SNRPN: variants seen among roughly 807,000 people sequenced by gnomAD.
SNRPN encodes small nuclear ribonucleoprotein-associated protein N.
A neutral mutation model predicts 25.2 loss-of-function variants in SNRPN; 7 were observed. The observed-to-expected ratio is 0.28, with a 90% CI of 0.16 to 0.52. The LOEUF (loss-of-function observed/expected upper bound fraction) is 0.52, where lower values mean the gene tolerates loss of function less well. SNRPN is among the 20% of genes least tolerant of loss of function. SNRPN has a pLI of 0.96. For synonymous variants in SNRPN, 124 were observed against 110.6 expected (o/e 1.12, Z -0.76); for missense variants, 196 against 322.5 (o/e 0.61, Z 3.00).
intron 3 of SNRPN, among the ~76,000 whole-genome samples, chr15:24,928,403 A>T (rs556892121): frequency 6.6e-6 from 1 of 152,108 alleles, no homozygotes. Context: ...CCATAAAAAA[A>T]GAATGAGATC....
intron 2 of SNRPN, among the ~76,000 whole-genome samples, chr15:24,832,282 AC>A: frequency 6.8e-6 from 1 of 147,858 alleles, no homozygotes; most frequent in East Asian, 2.1e-4. Context: ...ACAAGATATA[AC>A]GGGGACTTGT....
At chr15:24,898,724 T>C (rs2151268465) in intron 2 of SNRPN, among the ~76,000 whole-genome samples, 1 of 152,256 alleles carries the variant, frequency 6.6e-6, no homozygotes, top group South Asian at 2.1e-4. Context: ...CTTTAATGTA[T>C]GAGTCAAAAT....
chr15:24,846,095 A>AG (rs2052170959), intron 2 of SNRPN, among the ~76,000 whole-genome samples: 1 of 152,042 alleles, frequency 6.6e-6, no homozygotes. Context: ...AAAAAAAAAA[A>AG]AAATTGATCC....
intron 2 of SNRPN, among the ~76,000 whole-genome samples, chr15:24,889,551 C>T (rs980602533): frequency 9.9e-5 from 15 of 151,714 alleles, no homozygotes; most frequent in Admixed American, 2.0e-4. Flanking sequence ...GTGATTCACC[C>T]GCCTCGGCCT....
chr15:24,878,454 C>G (rs970159829), intron 1 of SNRPN, among the ~76,000 whole-genome samples: 1 of 152,246 alleles, frequency 6.6e-6, no homozygotes, highest in African/African-American at 2.4e-5. Flanking sequence ...ATTGGGGCGC[C>G]TTTTCTCCTT....
chr15:24,894,451 C>T (rs11855703), intron 2 of SNRPN, among the ~76,000 whole-genome samples: 2 of 151,844 alleles, frequency 1.3e-5, no homozygotes, highest in African/African-American at 4.8e-5. Context: ...GATCTCCTGA[C>T]CTCGTGATCC....
intron 2 of SNRPN, among the ~76,000 whole-genome samples, chr15:24,906,473 T>C (rs117271415): frequency 3.9e-5 from 6 of 152,232 alleles, no homozygotes; most frequent in Non-Finnish European, 5.9e-5. Flanking sequence ...AAATGTGTGA[T>C]TGGAAAACAA....
At chr15:24,879,439 C>CAAA (rs10688286) in intron 1 of SNRPN, among the ~76,000 whole-genome samples, 38,240 of 144,848 alleles carry the variant, frequency 0.26, 4,891 homozygotes, top group East Asian at 0.36. Context: ...TCTGTCTCTA[C>CAAA]AAAAAAAAAA....
rs1037007786 is a variant in SNRPN, at chr15:24,929,448, A to T, written c.-391+9324A>T. ...AATATTAAACTTTTAAAATTTTCAG[A>T]TAAATGTAAGCAGGCTTCTGCAGTG... On this transcript the variant is annotated intron_variant, in intron 3 of 11. Transcript: ENST00000400097. This position sits in a 1 kb window ranked among gnomAD's most constrained non-coding sequence, Gnocchi z 5.3. Among the ~76,000 whole-genome samples the T allele has an allele frequency of 1.3e-5, 2 of 152,156 alleles. No individual in the cohort carries two copies.
rs71127007 is a variant in SNRPN, at chr15:24,868,121, GTA to G, written c.-579+11420_-579+11421del. Among the ~76,000 whole-genome samples the G allele has an allele frequency of 2.3e-3, 340 of 145,742 alleles. 2 individuals are homozygous for G. The highest frequency in any genetic ancestry group is 4.8e-3 in the African/African-American group (188 of 39,340). ...TGTGCATGTATATGGGTGTGTGTGT[GTA>G]TATATATATATATACACACACACAT... On this transcript the variant is annotated intron_variant, in intron 1 of 11. Coordinates refer to the SNRPN transcript ENST00000400097.
intron 3 of SNRPN, among the ~76,000 whole-genome samples, chr15:24,925,524 T>C (rs1322031216): frequency 6.6e-6 from 1 of 152,148 alleles, no homozygotes; most frequent in South Asian, 2.1e-4. Context: ...TCCTCTGCTC[T>C]CATTTCTGCT....
intron 2 of SNRPN, chr15:24,967,016 T>G (rs538922667): frequency 1.3e-5 from 2 of 152,212 alleles, no homozygotes; most frequent in Admixed American, 6.5e-5. Context: ...GCCCTGGAAG[T>G]TCTATATTTC....
intron 1 of SNRPN, among the ~76,000 whole-genome samples, chr15:24,885,736 G>C (rs1033458526): frequency 3.3e-5 from 5 of 151,650 alleles, no homozygotes; most frequent in Non-Finnish European, 7.4e-5. Context: ...GTGTGTGTGT[G>C]TGTGTGTGTG....
At chr15:24,927,465 A>G (rs1192140769) in intron 3 of SNRPN, among the ~76,000 whole-genome samples, 1 of 113,222 alleles carries the variant, frequency 8.8e-6, no homozygotes, top group African/African-American at 3.2e-5. Flanking sequence ...CACTGCTTAT[A>G]AAGTTTTTAA....
chr15:24,924,840 A>G (rs1381582894), intron 3 of SNRPN, among the ~76,000 whole-genome samples: 6 of 152,112 alleles, frequency 3.9e-5, no homozygotes, highest in African/African-American at 1.4e-4. Context: ...ATGTGCAGGC[A>G]GGAAGAAAGA....
intron 2 of SNRPN, among the ~76,000 whole-genome samples, chr15:24,891,982 G>T (rs2057717781): frequency 6.6e-6 from 1 of 152,102 alleles, no homozygotes; most frequent in Non-Finnish European, 1.5e-5. Context: ...CCTGGTAAAT[G>T]GGACAAGTTA....
intron 2 of SNRPN, among the ~76,000 whole-genome samples, chr15:24,886,907 A>C (rs2057247350): frequency 6.6e-6 from 1 of 152,160 alleles, no homozygotes; most frequent in African/African-American, 2.4e-5. Flanking sequence ...AAGTAAGACT[A>C]ACTGTGGCCA....
intron 2 of SNRPN, among the ~76,000 whole-genome samples, chr15:24,916,700 G>A (rs2059545999): frequency 6.6e-6 from 1 of 152,206 alleles, no homozygotes; most frequent in African/African-American, 2.4e-5. Flanking sequence ...ATTTGTTGAG[G>A]AAGTAGTACG....
At chr15:24,900,195 A>G (rs994237254) in intron 2 of SNRPN, among the ~76,000 whole-genome samples, 3 of 152,194 alleles carry the variant, frequency 2.0e-5, no homozygotes, top group Admixed American at 2.0e-4. Context: ...TCCTTGAGTG[A>G]TTACGAACAG....
Sources: gnomAD v4.1 joint callset for allele counts (sites outside exome capture counted in the v4.1 genomes callset) on GRCh38, gnomAD v4.1.1 for gene constraint, Gnocchi (gnomAD v3.1) non-coding constraint, MANE v1.5 for transcripts, NCBI Gene and HGNC (gene_info 2026-07-23, HGNC 2026-07-21) for gene names.